Variants in GRIK3 observed in about 807,000 individuals in gnomAD.
GRIK3 encodes glutamate ionotropic receptor kainate type subunit 3, also known as glutamate receptor ionotropic, kainate 3.
GRIK3 carries 29 observed loss-of-function variants against 102.5 expected under a neutral mutation model. That is an observed-to-expected ratio of 0.28 (90% CI 0.21 to 0.39). GRIK3 has a LOEUF of 0.39. Among genes scored for constraint, GRIK3 ranks in the 10% least tolerant of loss-of-function variants. The probability of loss-of-function intolerance (pLI) is 1.00; values close to 1 mark genes in which losing one functional copy is unlikely to be tolerated. For missense variants in GRIK3, 908 were observed against 1,252.4 expected (o/e 0.73, Z 4.15); for synonymous variants, 511 against 504.9 (o/e 1.01, Z -0.16).
intron 3 of GRIK3, among the ~76,000 whole-genome samples, chr1:36,878,361 G>A (rs78679789): frequency 5.1e-4 from 78 of 152,352 alleles, no homozygotes; most frequent in East Asian, 3.9e-3. Flanking sequence ...TCTGTCGGGT[G>A]CTTTGGAAAT....
rs1055091714 is a variant in GRIK3, at chr1:37,034,416, C to T, written c.-308G>A. 3.7e-4 allele frequency among the ~76,000 whole-genome samples: 56 copies of T among 151,170 alleles called. No homozygotes were observed. Among genetic ancestry groups the T allele is most frequent in the African/African-American group, 1.3e-3 (55 of 41,456 alleles). On this transcript the variant is annotated 5_prime_UTR_variant, in exon 1 of 16. Coordinates refer to ENST00000373091, the MANE Select transcript of GRIK3 (RefSeq NM_000831.4). ...CGCGTCGGCTCGGCTCCCGCGCGGG[C>T]TCCCACCTGCCCCGGCTGCCGGGCT... is the stretch of plus-strand genomic sequence containing the variant.
intron 10 of GRIK3, among the ~76,000 whole-genome samples, chr1:36,835,454 T>C (rs1346053049): frequency 6.6e-6 from 1 of 152,200 alleles, no homozygotes; most frequent in Non-Finnish European, 1.5e-5. Flanking sequence ...GGGTGCAGAC[T>C]CACAGACTGA....
intron 11 of GRIK3, among the ~76,000 whole-genome samples, chr1:36,824,546 G>C (rs953397671): frequency 1.3e-5 from 2 of 152,198 alleles, no homozygotes; most frequent in African/African-American, 4.8e-5. Flanking sequence ...GAGTGAAGTG[G>C]GGGGAGGGCG....
intron 15 of GRIK3, among the ~76,000 whole-genome samples, chr1:36,803,722 C>T (rs1408739830): frequency 6.6e-6 from 1 of 152,194 alleles, no homozygotes. Flanking sequence ...AGCCACCGCA[C>T]CTGGCTGGGA....
rs373294295 is a variant in GRIK3 at position 36,819,209 on chromosome 1, A to C, written c.1873+527T>G. ...TCCTTCCTACTCCCAGGCACCTCAC[A>C]GCCAAGCGGCCACGGAGTCCCATCC... is the stretch of plus-strand genomic sequence containing the variant. On this transcript the variant is annotated intron_variant, in intron 12 of 15. Coordinates refer to ENST00000373091, the MANE Select transcript of GRIK3 (RefSeq NM_000831.4). This position sits in a 1 kb window ranked among gnomAD's most constrained non-coding sequence, Gnocchi z 4.1. 1.8e-4 allele frequency among the ~76,000 whole-genome samples: 27 copies of C among 152,290 alleles called. No individual in the cohort carries two copies. The South Asian group carries it at 4.6e-3, about 26-fold the overall frequency.
intron 2 of GRIK3, among the ~76,000 whole-genome samples, chr1:36,881,924 G>A (rs1382136928): frequency 6.6e-6 from 1 of 151,974 alleles, no homozygotes; most frequent in Non-Finnish European, 1.5e-5. Context: ...AACATGCTAA[G>A]TGCATTCCTG....
At chr1:37,026,339 C>T (rs1487366885) in intron 1 of GRIK3, among the ~76,000 whole-genome samples, 1 of 152,130 alleles carries the variant, frequency 6.6e-6, no homozygotes, top group Non-Finnish European at 1.5e-5. Context: ...GACTGCTAGG[C>T]CCACCAACTC....
intron 7 of GRIK3, among the ~76,000 whole-genome samples, chr1:36,858,092 C>G (rs1319531253): frequency 6.6e-6 from 1 of 152,202 alleles, no homozygotes; most frequent in Non-Finnish European, 1.5e-5. Flanking sequence ...AGAGGGCTTC[C>G]CCCACTGCCC....
chr1:36,846,929 C>T (rs1278131382), intron 9 of GRIK3, among the ~76,000 whole-genome samples: 1 of 152,244 alleles, frequency 6.6e-6, no homozygotes, highest in Non-Finnish European at 1.5e-5. Context: ...GTGTCACATC[C>T]TCTATCCCCA....
chr1:36,982,392 C>T (rs918967415), intron 1 of GRIK3, among the ~76,000 whole-genome samples: 1 of 152,146 alleles, frequency 6.6e-6, no homozygotes, highest in African/African-American at 2.4e-5. Context: ...TGGGAGGACA[C>T]GAGTCCTTGG....
rs550880007 is a variant in GRIK3, at chr1:37,032,493, G to A, written c.115+1501C>T. On this transcript the variant is annotated intron_variant, in intron 1 of 15. Transcript: ENST00000373091. ...GAAGTGCTGGTCCATTACTGGGGGG[G>A]GAAGGGGAGGCTTCCTGCCCCTGGA... Among the ~76,000 whole-genome samples the A allele has an allele frequency of 3.0e-4, 43 of 143,778 alleles. 1 individual carries two copies. Among genetic ancestry groups the A allele is most frequent in the Admixed American group, 1.3e-3 (19 of 14,996 alleles). 94.3% of individuals were successfully genotyped at this position (143,778 alleles called of 152,430 possible).
chr1:36,876,041 C>T (rs1189555710), intron 3 of GRIK3, among the ~76,000 whole-genome samples: 1 of 152,202 alleles, frequency 6.6e-6, no homozygotes, highest in Admixed American at 6.5e-5. Context: ...GGTTCTGAGA[C>T]AGATCTTCCT....
intron 10 of GRIK3, among the ~76,000 whole-genome samples, chr1:36,840,329 G>C (rs866047796): frequency 6.6e-6 from 1 of 152,040 alleles, no homozygotes. Context: ...TGGAAGGCAG[G>C]TCATGTTTAT....
At chr1:36,942,950 T>G (rs1418062981) in intron 1 of GRIK3, among the ~76,000 whole-genome samples, 1 of 152,078 alleles carries the variant, frequency 6.6e-6, no homozygotes, top group African/African-American at 2.4e-5. Flanking sequence ...ACCTTCAGAT[T>G]ACAAGGCTAT....
intron 14 of GRIK3, 148 bp downstream of exon 14, chr1:36,805,956 A>G (rs1642495075): frequency 3.7e-6 from 2 of 546,044 alleles, no homozygotes; most frequent in South Asian, 2.8e-5. Context: ...AAAAAAAAAA[A>G]AAAAAGAAAA....
intron 1 of GRIK3, among the ~76,000 whole-genome samples, chr1:36,981,392 G>A (rs778135084): frequency 1.1e-4 from 17 of 152,206 alleles, no homozygotes; most frequent in Non-Finnish European, 2.1e-4. Context: ...GAGAGAGGGG[G>A]CAGTGAGCCA....
At position 36,799,852 on chromosome 1, in the gene GRIK3, C is replaced by T. The variant is rs556084374; in HGVS notation, c.*1999G>A. The T allele has an allele frequency of 1.3e-5, 2 of 152,534 alleles. No individual in the cohort carries two copies. Among genetic ancestry groups the T allele is most frequent in the South Asian group, 4.1e-4 (2 of 4,830 alleles). 9.4% of individuals were successfully genotyped at this position (152,534 alleles called of 1,614,324 possible). On this transcript the variant is annotated 3_prime_UTR_variant, in exon 16 of 16. Coordinates refer to ENST00000373091, the MANE Select transcript of GRIK3 (RefSeq NM_000831.4). ...CCTGGACTATGTTATATGTCCAGATCTGTCCTGTGCCCCAGCCCCCGAAGC... is the reference window on the plus strand; with the variant it reads ...CCTGGACTATGTTATATGTCCAGATTTGTCCTGTGCCCCAGCCCCCGAAGC...
intron 1 of GRIK3, among the ~76,000 whole-genome samples, chr1:37,012,892 C>A (rs1642612840): frequency 6.6e-6 from 1 of 152,198 alleles, no homozygotes; most frequent in Admixed American, 6.5e-5. Flanking sequence ...ACACACTTGG[C>A]AAGTCAAAGA....
chr1:36,875,908 C>T (rs1230201046), intron 3 of GRIK3, among the ~76,000 whole-genome samples: 4 of 152,212 alleles, frequency 2.6e-5, no homozygotes, highest in African/African-American at 7.2e-5. Flanking sequence ...GGTGAAAATG[C>T]ACCAGTCCCA....
Sources: allele counts gnomAD v4.1 joint callset (sites outside exome capture counted in the v4.1 genomes callset), GRCh38; gene constraint gnomAD v4.1.1; non-coding constraint Gnocchi (gnomAD v3.1); transcripts MANE v1.5; gene names NCBI Gene and HGNC (gene_info 2026-07-23, HGNC 2026-07-21).